The following PLA2R1 variants were observed in gnomAD, a reference collection of about 807,000 sequenced individuals.
The protein encoded by PLA2R1 is secretory phospholipase A2 receptor.
Under a neutral mutation model 195.9 loss-of-function variants are expected in PLA2R1, and 158 were observed. That is an observed-to-expected ratio of 0.81 (90% CI 0.71 to 0.92). The LOEUF (loss-of-function observed/expected upper bound fraction) is 0.92, where lower values mean the gene tolerates loss of function less well. Ranked by LOEUF, PLA2R1 falls within the 40% of genes least tolerant of loss-of-function variation. The pLI, the probability that PLA2R1 is intolerant of heterozygous loss-of-function variation, is 0.00. For missense variants in PLA2R1, 1,626 were observed against 1,764.6 expected (o/e 0.92, Z 1.41); for synonymous variants, 586 against 598.2 (o/e 0.98, Z 0.30).
At chr2:160,025,149 G>A (rs1489970072) in intron 6 of PLA2R1, among the ~76,000 whole-genome samples, 1 of 152,118 alleles carries the variant, frequency 6.6e-6, no homozygotes, top group Non-Finnish European at 1.5e-5. Flanking sequence ...TTCAAATACC[G>A]TAATGGTGGT....
chr2:159,999,570 T>C lies in PLA2R1; in HGVS notation c.1834+6082A>G, dbSNP rs1163462500. Among the ~76,000 whole-genome samples, 2 of 6,134 alleles carry C rather than the reference T, an allele frequency of 3.3e-4. 1 individual carries two copies. The highest frequency in any genetic ancestry group is 6.3e-4 in the Non-Finnish European group (2 of 3,180). 4.0% of individuals were successfully genotyped at this position (6,134 alleles called of 152,430 possible). Reference sequence around the variant, plus strand: ...TAGTAGAGACGGGGTTTCACCGTTCTAGCCGGGATGGTCTCGATCTCCTGA... The same window carrying C: ...TAGTAGAGACGGGGTTTCACCGTTCCAGCCGGGATGGTCTCGATCTCCTGA... On this transcript the variant is annotated intron_variant, in intron 11 of 29. Transcript: ENST00000283243.
chr2:159,947,380 A>T, intron 26 of PLA2R1, 39 bp downstream of exon 26: 1 of 1,554,654 alleles, frequency 6.4e-7, no homozygotes, highest in Non-Finnish European at 8.7e-7. Context: ...GGCAAGAAGG[A>T]GCACATGAAA....
intron 20 of PLA2R1, among the ~76,000 whole-genome samples, chr2:159,962,828 A>G (rs1387728945): frequency 6.6e-6 from 1 of 152,156 alleles, no homozygotes; most frequent in Non-Finnish European, 1.5e-5. Flanking sequence ...AGTGGGAGCT[A>G]ACAATGAGAA....
intron 17 of PLA2R1, among the ~76,000 whole-genome samples, chr2:159,971,568 G>A (rs1271996624): frequency 6.6e-6 from 1 of 152,072 alleles, no homozygotes; most frequent in African/African-American, 2.4e-5. Context: ...TATAAAAGAG[G>A]AAGAGGAAGT....
chr2:159,966,375 A>G (rs913536138), intron 20 of PLA2R1, among the ~76,000 whole-genome samples: 1 of 152,178 alleles, frequency 6.6e-6, no homozygotes, highest in African/African-American at 2.4e-5. Flanking sequence ...AGCAGTTGCC[A>G]AGGGGTTCAG....
chr2:160,021,296 A>T (rs895520370), intron 7 of PLA2R1, among the ~76,000 whole-genome samples: 4 of 152,320 alleles, frequency 2.6e-5, no homozygotes, highest in African/African-American at 7.2e-5. Context: ...AAGGGAAAAA[A>T]ATCATTATAT....
Position 160,037,363 on chromosome 2 carries a change from T to C in PLA2R1, c.668-4231A>G, listed in dbSNP as rs2667039. Among the ~76,000 whole-genome samples, 1,100 of 152,350 alleles carry C rather than the reference T, an allele frequency of 7.2e-3. 22 individuals are homozygous for C. The highest frequency in any genetic ancestry group is 0.025 in the African/African-American group (1,054 of 41,576). On this transcript the variant is annotated intron_variant, in intron 3 of 29. Coordinates refer to ENST00000283243, the MANE Select transcript of PLA2R1 (RefSeq NM_007366.5). Reference sequence around the variant, plus strand: ...ACACTCATGGACTCTGTCTGCCCTTTCAGAGTGTCTTGTTTCTCTCTTCTT... The same window carrying C: ...ACACTCATGGACTCTGTCTGCCCTTCCAGAGTGTCTTGTTTCTCTCTTCTT...
chr2:160,036,887 A>G (rs1694195680), intron 3 of PLA2R1, among the ~76,000 whole-genome samples: 1 of 128,636 alleles, frequency 7.8e-6, no homozygotes, highest in Non-Finnish European at 1.9e-5. Context: ...TTCCCTGGGG[A>G]AAAATGGAAC....
chr2:159,949,217 A>G (rs542594414), intron 25 of PLA2R1, among the ~76,000 whole-genome samples: 49 of 152,080 alleles, frequency 3.2e-4, no homozygotes, highest in African/African-American at 1.1e-3. Context: ...AAATCCCAAC[A>G]TCGGCTTTGT....
At position 160,020,160 on chromosome 2, in the gene PLA2R1, A is replaced by G. The variant is rs1203742111; in HGVS notation, c.1398T>C (p.Leu466=). ...TTCTATTTGGAAAAATGTGGGGCTC[A>G]AGTGTGTGCCAATTAGTAAAGATGA... is the stretch of plus-strand genomic sequence containing the variant. The part of the protein sequence containing the change: ...SSVIFTNWHT[L]EPHIFPNRSQ... The change falls in exon 8 of 30, where the codon CTT becomes CTC. Residue 466 remains leucine (L), a synonymous_variant. Coordinates refer to ENST00000283243, the MANE Select transcript of PLA2R1 (RefSeq NM_007366.5). 4 of 1,613,756 alleles carry G rather than the reference A, an allele frequency of 2.5e-6. No individual in the cohort carries two copies. The African/African-American group carries it at 4.0e-5, about 16-fold the overall frequency.
rs1435636942 is a variant in PLA2R1, at chr2:159,955,187, A to T, written c.3301+12T>A. 2 of 1,594,408 alleles carry T rather than the reference A, an allele frequency of 1.3e-6. No homozygotes were observed. Among genetic ancestry groups the T allele is most frequent in the Admixed American group, 3.5e-5 (2 of 57,682 alleles). On this transcript the variant is annotated intron_variant, in intron 23 of 29. Coordinates refer to ENST00000283243, the MANE Select transcript of PLA2R1 (RefSeq NM_007366.5). ...TGGAAATGAAAGGAATAAAAACCCA[A>T]ATATTTCTTACCTTGCATTTTTTCA...
intron 6 of PLA2R1, among the ~76,000 whole-genome samples, 194 bp downstream of exon 6, chr2:160,028,024 C>A (rs1488419840): frequency 1.3e-5 from 2 of 152,022 alleles, no homozygotes; most frequent in Admixed American, 6.6e-5. Context: ...TTAGTATAAA[C>A]CTAAATGCAT....
intron 4 of PLA2R1, among the ~76,000 whole-genome samples, chr2:160,030,559 A>C (rs534052666): frequency 1.1e-4 from 16 of 152,366 alleles, no homozygotes; most frequent in Non-Finnish European, 2.1e-4. Flanking sequence ...TAATGCAGAT[A>C]AAAAATAATT....
chr2:159,997,575 G>A (rs1691298260), intron 11 of PLA2R1, among the ~76,000 whole-genome samples: 1 of 152,062 alleles, frequency 6.6e-6, no homozygotes, highest in African/African-American at 2.4e-5. Flanking sequence ...CCTGGAGCTA[G>A]AACTCACAAA....
intron 21 of PLA2R1, 105 bp from the exon 22 acceptor site, chr2:159,955,933 T>G (rs1688058222): frequency 1.6e-6 from 1 of 616,428 alleles, no homozygotes; most frequent in Non-Finnish European, 2.8e-6. Flanking sequence ...CAGCAAAACA[T>G]AATTATGAAT....
intron 21 of PLA2R1, among the ~76,000 whole-genome samples, chr2:159,956,152 T>A (rs1200905810): frequency 6.6e-6 from 1 of 152,200 alleles, no homozygotes; most frequent in Non-Finnish European, 1.5e-5. Context: ...TGATTAAATA[T>A]CAAATAAAAG....
At chr2:160,023,697 G>A (rs533932201) in intron 6 of PLA2R1, among the ~76,000 whole-genome samples, 11 of 151,988 alleles carry the variant, frequency 7.2e-5, no homozygotes, top group Admixed American at 2.6e-4. Context: ...TTATGGATTC[G>A]CCTCCAATTC....
At chr2:159,987,622 T>C (rs867255975) in intron 11 of PLA2R1, among the ~76,000 whole-genome samples, 2 of 152,192 alleles carry the variant, frequency 1.3e-5, no homozygotes, top group Non-Finnish European at 2.9e-5. Flanking sequence ...AGATGGCAAA[T>C]GATGAGGAAC....
At chr2:159,929,879 TATATATATGAATACTAATC>T (rs1686548592), downstream of PLA2R1, among the ~76,000 whole-genome samples, 8 of 151,568 alleles carry the variant, frequency 5.3e-5, no homozygotes, top group Admixed American at 5.3e-4. Flanking sequence ...TGTGTATATA[TATATATATGAATACTAATC>T]AGCCATAAAA....
Sources: gnomAD v4.1 joint callset for allele counts (sites outside exome capture counted in the v4.1 genomes callset) on GRCh38, gnomAD v4.1.1 for gene constraint, MANE v1.5 for transcripts, NCBI Gene and HGNC (gene_info 2026-07-23, HGNC 2026-07-21) for gene names.